Variants in FARS2 observed in about 807,000 individuals in gnomAD.
FARS2 encodes phenylalanyl-tRNA synthetase 2, mitochondrial, also known as phenylalanine--tRNA ligase, mitochondrial.
FARS2 carries 40 observed loss-of-function variants against 46.4 expected under a neutral mutation model. The observed-to-expected ratio is 0.86, with a 90% CI of 0.67 to 1.12. FARS2 has a LOEUF of 1.12. Ranked by LOEUF, FARS2 falls within the 50% of genes most tolerant of loss-of-function variation. The pLI, the probability that FARS2 is intolerant of heterozygous loss-of-function variation, is 0.00. For missense variants in FARS2, 513 were observed against 567.9 expected (o/e 0.90, Z 0.98); for synonymous variants, 234 against 214.9 (o/e 1.09, Z -0.78).
chr6:5,589,176 T>A (rs1199803982), intron 5 of FARS2, among the ~76,000 whole-genome samples: 1 of 152,240 alleles, frequency 6.6e-6, no homozygotes, highest in East Asian at 1.9e-4. Flanking sequence ...AGCCAAGAGC[T>A]AGAGCCAGCT....
At chr6:5,738,279 T>C (rs1425153507) in intron 6 of FARS2, among the ~76,000 whole-genome samples, 2 of 152,234 alleles carry the variant, frequency 1.3e-5, no homozygotes, top group Non-Finnish European at 2.9e-5. Context: ...TGTGTCCTTT[T>C]TCTTTTGTTG....
chr6:5,667,752 A>C (rs1336336945), intron 6 of FARS2, among the ~76,000 whole-genome samples: 1 of 152,196 alleles, frequency 6.6e-6, no homozygotes, highest in African/African-American at 2.4e-5. Context: ...CAGAGGGGGA[A>C]GTGGAGACCC....
intron 4 of FARS2, among the ~76,000 whole-genome samples, chr6:5,488,716 C>G (rs1582249637): frequency 6.6e-6 from 1 of 152,196 alleles, no homozygotes; most frequent in East Asian, 1.9e-4. Flanking sequence ...CAGCCATTAT[C>G]TTTGGTAAAA....
chr6:5,742,299 T>C (rs945491893), intron 6 of FARS2, among the ~76,000 whole-genome samples: 1 of 152,200 alleles, frequency 6.6e-6, no homozygotes, highest in Non-Finnish European at 1.5e-5. Flanking sequence ...ATCTCTTACT[T>C]TGAAACCTTC....
chr6:5,268,489 G>C (rs1456469177), intron 1 of FARS2, among the ~76,000 whole-genome samples: 1 of 152,106 alleles, frequency 6.6e-6, no homozygotes, highest in Non-Finnish European at 1.5e-5. Flanking sequence ...ATTTTTGTCA[G>C]GTTTGTTAAA....
intron 6 of FARS2, among the ~76,000 whole-genome samples, chr6:5,716,561 C>G (rs1759504077): frequency 6.6e-6 from 1 of 152,216 alleles, no homozygotes; most frequent in Non-Finnish European, 1.5e-5. Flanking sequence ...CAGGTGTCCT[C>G]CAATTCAGTT....
At chr6:5,769,497 A>T (rs766374234) in intron 6 of FARS2, among the ~76,000 whole-genome samples, 2 of 152,212 alleles carry the variant, frequency 1.3e-5, no homozygotes, top group Non-Finnish European at 2.9e-5. Flanking sequence ...AGGAGAAAAG[A>T]CCACTCTACT....
chr6:5,676,690 T>G (rs1052184612), intron 6 of FARS2, among the ~76,000 whole-genome samples: 3 of 152,238 alleles, frequency 2.0e-5, no homozygotes, highest in Non-Finnish European at 4.4e-5. Context: ...ACTTTCATTT[T>G]GTTTAATTAT....
At chr6:5,390,788 G>A (rs370369129) in intron 2 of FARS2, among the ~76,000 whole-genome samples, 2 of 152,042 alleles carry the variant, frequency 1.3e-5, no homozygotes, top group Non-Finnish European at 2.9e-5. Context: ...CCCCTTTCCC[G>A]TACTCCATGT....
At chr6:5,541,619 T>G (rs1475283898) in intron 4 of FARS2, among the ~76,000 whole-genome samples, 1 of 152,180 alleles carries the variant, frequency 6.6e-6, no homozygotes, top group Non-Finnish European at 1.5e-5. Flanking sequence ...TAGGAATAAG[T>G]TATTTTTATT....
intron 6 of FARS2, among the ~76,000 whole-genome samples, chr6:5,671,324 TG>T (rs987716920): frequency 6.6e-6 from 1 of 152,234 alleles, no homozygotes; most frequent in Admixed American, 6.5e-5. Context: ...CTGCTCTTCC[TG>T]TCCCCAGAGC....
intron 4 of FARS2, among the ~76,000 whole-genome samples, chr6:5,461,532 C>G (rs866242256): frequency 6.6e-6 from 1 of 152,162 alleles, no homozygotes; most frequent in African/African-American, 2.4e-5. Flanking sequence ...CCAGTCCTGA[C>G]TCTCTGCCAG....
intron 2 of FARS2, among the ~76,000 whole-genome samples, chr6:5,372,649 C>T (rs2503829): frequency 0.2 from 29,734 of 151,868 alleles, 3,413 homozygotes; most frequent in East Asian, 0.48. Flanking sequence ...GAAATATTAG[C>T]AATAAATTAC....
At chr6:5,608,278 G>T (rs1195423802) in intron 5 of FARS2, among the ~76,000 whole-genome samples, 2 of 152,092 alleles carry the variant, frequency 1.3e-5, no homozygotes, top group African/African-American at 4.8e-5. Flanking sequence ...TTAAATTTGG[G>T]ATCACACATT....
At chr6:5,641,350 G>T (rs1202663950) in intron 6 of FARS2, among the ~76,000 whole-genome samples, 2 of 152,068 alleles carry the variant, frequency 1.3e-5, no homozygotes, top group Non-Finnish European at 2.9e-5. Context: ...AGGCTGGAGT[G>T]CAGTGGCATG....
At chr6:5,274,891 G>T (rs1421218687) in intron 1 of FARS2, among the ~76,000 whole-genome samples, 1 of 152,032 alleles carries the variant, frequency 6.6e-6, no homozygotes, top group Non-Finnish European at 1.5e-5. Context: ...AAACAAATTT[G>T]TTTTTGGTAG....
intron 5 of FARS2, among the ~76,000 whole-genome samples, chr6:5,571,864 G>T (rs1207117802): frequency 6.6e-6 from 1 of 150,722 alleles, no homozygotes; most frequent in Non-Finnish European, 1.5e-5. Context: ...TCTGTTCCTT[G>T]CCAGTCTGCT....
chr6:5,771,465 G>A lies in FARS2; in HGVS notation c.*36G>A. 6.3e-7 allele frequency: 1 copy of A among 1,577,132 alleles called. No homozygotes were observed. Among genetic ancestry groups the A allele is most frequent in the Middle Eastern group, 1.7e-4 (1 of 5,920 alleles). ...TCACTCAGGCTGCAGCCCTCTTGGG[G>A]CTCCAGGATTTGCTGAAAGAGAAAA... On this transcript the variant is annotated 3_prime_UTR_variant, in exon 7 of 7. Transcript: ENST00000274680.
At chr6:5,358,928 A>C (rs1488811190) in intron 1 of FARS2, among the ~76,000 whole-genome samples, 6 of 152,054 alleles carry the variant, frequency 3.9e-5, no homozygotes, top group Non-Finnish European at 8.8e-5. Flanking sequence ...CCAGTGTGAC[A>C]GAACACTTTC....
Sources: allele counts gnomAD v4.1 joint callset (sites outside exome capture counted in the v4.1 genomes callset), GRCh38; gene constraint gnomAD v4.1.1; transcripts MANE v1.5; gene names NCBI Gene and HGNC (gene_info 2026-07-23, HGNC 2026-07-21).